Variants in GAD2 observed in about 807,000 individuals in gnomAD.
The protein encoded by GAD2 is 65 kDa glutamic acid decarboxylase.
A neutral mutation model predicts 80.1 loss-of-function variants in GAD2; 22 were observed. The observed-to-expected ratio is 0.27, with a 90% CI of 0.20 to 0.39. GAD2 has a LOEUF of 0.39. Among genes scored for constraint, GAD2 ranks in the 10% least tolerant of loss-of-function variants. The pLI, the probability that GAD2 is intolerant of heterozygous loss-of-function variation, is 1.00. For synonymous variants in GAD2, 274 were observed against 256.9 expected (o/e 1.07, Z -0.64); for missense variants, 624 against 738.4 (o/e 0.85, Z 1.80).
At position 26,255,939 on chromosome 10, in the gene GAD2, A is replaced by G. The variant is rs12265834; in HGVS notation, c.920+9939A>G. On this transcript the variant is annotated intron_variant, in intron 8 of 15. Transcript: ENST00000376261. The stretch of plus-strand genomic sequence containing the variant: ...ATGGGGAGGAAGGAGGGGAGGGGCC[A>G]GCCTGGGCTTAGCCTATGTTGACAA... Among the ~76,000 whole-genome samples, 1,087 of 152,214 alleles carry G rather than the reference A, an allele frequency of 7.1e-3. 15 individuals are homozygous for G. Among genetic ancestry groups the G allele is most frequent in the African/African-American group, 0.025 (1,024 of 41,520 alleles).
chr10:26,254,349 C>T (rs972699070), intron 8 of GAD2, among the ~76,000 whole-genome samples: 2 of 152,172 alleles, frequency 1.3e-5, no homozygotes, highest in Admixed American at 6.5e-5. Context: ...CCCTCACATC[C>T]GCAGTTCACA....
At chr10:26,224,995 A>T (rs1023572370) in intron 6 of GAD2, among the ~76,000 whole-genome samples, 1 of 152,202 alleles carries the variant, frequency 6.6e-6, no homozygotes, top group Non-Finnish European at 1.5e-5. Flanking sequence ...TGCTCTTCCT[A>T]GAATTAGTGA....
intron 8 of GAD2, among the ~76,000 whole-genome samples, chr10:26,249,131 C>T (rs369018477): frequency 1.2e-4 from 18 of 152,280 alleles, no homozygotes; most frequent in East Asian, 3.9e-4. Flanking sequence ...GGTGCTGTCT[C>T]GGCTCACTGC....
intron 12 of GAD2, among the ~76,000 whole-genome samples, chr10:26,283,014 G>T (rs1380930924): frequency 1.3e-5 from 2 of 152,152 alleles, no homozygotes; most frequent in East Asian, 1.9e-4. Flanking sequence ...ATAAATTTTT[G>T]TTATTTAGAA....
At chr10:26,226,444 C>T (rs1189057975) in intron 6 of GAD2, among the ~76,000 whole-genome samples, 4 of 152,220 alleles carry the variant, frequency 2.6e-5, no homozygotes, top group Non-Finnish European at 5.9e-5. Context: ...ATAGATGTCA[C>T]ACTACAGTGC....
intron 4 of GAD2, among the ~76,000 whole-genome samples, chr10:26,222,678 C>T (rs865836542): frequency 6.6e-6 from 1 of 152,196 alleles, no homozygotes; most frequent in African/African-American, 2.4e-5. Flanking sequence ...GTCCTGATCC[C>T]GCTAAAATGG....
At chr10:26,252,647 G>A (rs1289143759) in intron 8 of GAD2, among the ~76,000 whole-genome samples, 8 of 151,438 alleles carry the variant, frequency 5.3e-5, no homozygotes, top group South Asian at 2.1e-4. Flanking sequence ...CACCATGCCC[G>A]ACCCGGTACC....
chr10:26,216,924 G>A lies in GAD2; in HGVS notation c.76+39G>A. 1.3e-6 allele frequency: 2 copies of A among 1,572,784 alleles called. No homozygotes were observed. Among genetic ancestry groups the A allele is most frequent in the Non-Finnish European group, 8.7e-7 (1 of 1,146,692 alleles). ...CGGGGGCCTGCGGCGGGCGAGTTTT[G>A]CGGTGGTCTGGGGTTTGCGGAACTA... is the stretch of plus-strand genomic sequence containing the variant. On this transcript the variant is annotated intron_variant, in intron 1 of 15. Transcript: ENST00000376261. The surrounding 1 kb of genome is among the most constrained non-coding windows in gnomAD (Gnocchi z 4.7).
chr10:26,230,815 C>T (rs562078282), intron 7 of GAD2, among the ~76,000 whole-genome samples: 4 of 152,004 alleles, frequency 2.6e-5, no homozygotes, highest in Admixed American at 6.5e-5. Context: ...GTACCAGGCA[C>T]GGTGGCTCAT....
rs185902258 is a variant in GAD2 at position 26,222,750 on chromosome 10, G to T, written c.521-1137G>T. 5.9e-5 allele frequency among the ~76,000 whole-genome samples: 9 copies of T among 152,360 alleles called. No homozygotes were observed. In the East Asian group the frequency reaches 1.7e-3, roughly 29 times the overall value. Reference sequence around the variant, plus strand: ...CTGGCCACATGCCTGAGGCTGATAAGAGAGCACTCCAGTGCAGGAGATAAG... The same window carrying T: ...CTGGCCACATGCCTGAGGCTGATAATAGAGCACTCCAGTGCAGGAGATAAG... On this transcript the variant is annotated intron_variant, in intron 4 of 15. Coordinates refer to ENST00000376261, the MANE Select transcript of GAD2 (RefSeq NM_001134366.2).
In GAD2 at chr10:26,286,627, G is replaced by A. The variant is rs182210313; in HGVS notation, c.1386+133G>A. ...CAAGATTTGCTTTCTTTAAACTTGC[G>A]TCTAAATACCTTCATTTGACATGAG... On this transcript the variant is annotated intron_variant, in intron 13 of 15. Transcript: ENST00000376261. 8.3e-5 allele frequency: 67 copies of A among 812,116 alleles called. No individual in the cohort carries two copies. The African/African-American group carries it at 8.5e-4, about 10-fold the overall frequency. The allele number at this position is 812,116 out of a possible 1,614,324, so 50.3% of individuals were successfully genotyped here.
rs1257249733 is a variant in GAD2, at chr10:26,270,629, C to T, written c.976-11C>T. ...TGTTTTCCATGATTTGGGGCTTTCT[C>T]GTTCGCACAGGGGTTTGTTCCTTTC... On this transcript the variant is annotated splice_polypyrimidine_tract_variant and intron_variant, in intron 9 of 15. Transcript: ENST00000376261. 21 of 1,593,362 alleles carry T rather than the reference C, an allele frequency of 1.3e-5. No homozygotes were observed. Among genetic ancestry groups the T allele is most frequent in the Admixed American group, 3.3e-5 (2 of 59,886 alleles).
chr10:26,226,339 G>A (rs1004799918), intron 6 of GAD2, among the ~76,000 whole-genome samples: 1 of 152,290 alleles, frequency 6.6e-6, no homozygotes, highest in Non-Finnish European at 1.5e-5. Context: ...GATAATGGGG[G>A]ATTTTCACAT....
chr10:26,285,530 G>A (rs184081135), intron 12 of GAD2, among the ~76,000 whole-genome samples: 11 of 152,228 alleles, frequency 7.2e-5, no homozygotes, highest in South Asian at 4.1e-4. Flanking sequence ...TATTTTAGTC[G>A]GAAAACATGA....
At chr10:26,249,689 C>T (rs1844855068) in intron 8 of GAD2, among the ~76,000 whole-genome samples, 1 of 152,124 alleles carries the variant, frequency 6.6e-6, no homozygotes. Context: ...CAGGTGTGAC[C>T]GCAGAAGTGG....
intron 6 of GAD2, among the ~76,000 whole-genome samples, chr10:26,227,012 A>C (rs995156489): frequency 6.6e-6 from 1 of 152,102 alleles, no homozygotes; most frequent in Non-Finnish European, 1.5e-5. Context: ...TATTTTTTTG[A>C]GACAGAGTCT....
At chr10:26,220,062 C>T (rs8190605) in intron 4 of GAD2, among the ~76,000 whole-genome samples, 219 of 152,168 alleles carry the variant, frequency 1.4e-3, no homozygotes, top group African/African-American at 5.0e-3. Flanking sequence ...TATTTGGGTG[C>T]ATTCCGAGCT....
At chr10:26,255,481 CT>C (rs1302692202) in intron 8 of GAD2, among the ~76,000 whole-genome samples, 1 of 151,896 alleles carries the variant, frequency 6.6e-6, no homozygotes, top group Admixed American at 6.6e-5. Context: ...AGGGCTGAAG[CT>C]GGAGGGGAGC....
chr10:26,233,729 C>T (rs554969777), intron 7 of GAD2, among the ~76,000 whole-genome samples: 22 of 152,210 alleles, frequency 1.4e-4, no homozygotes, highest in African/African-American at 4.3e-4. Flanking sequence ...AGAAAATTAC[C>T]AAGTCATTTC....
Sources: allele counts gnomAD v4.1 joint callset (sites outside exome capture counted in the v4.1 genomes callset), GRCh38; gene constraint gnomAD v4.1.1; non-coding constraint Gnocchi (gnomAD v3.1); transcripts MANE v1.5; gene names NCBI Gene and HGNC (gene_info 2026-07-23, HGNC 2026-07-21).